The following PPP3R1 variants were observed in gnomAD, a reference collection of about 807,000 sequenced individuals.
The protein encoded by PPP3R1 is protein phosphatase 3 regulatory subunit B, alpha.
In PPP3R1, 5 loss-of-function variants were observed where a neutral mutation model predicts 22.6. That is an observed-to-expected ratio of 0.22 (90% CI 0.12 to 0.46). The LOEUF (loss-of-function observed/expected upper bound fraction) is 0.46. Among genes scored for constraint, PPP3R1 ranks in the 20% least tolerant of loss-of-function variants. The probability of loss-of-function intolerance (pLI) is 0.99; values close to 1 mark genes in which losing one functional copy is unlikely to be tolerated. For missense variants in PPP3R1, 61 were observed against 203.2 expected (o/e 0.30, Z 4.25); for synonymous variants, 56 against 65.2 (o/e 0.86, Z 0.68).
Position 68,188,688 on chromosome 2 carries a change from C to T in PPP3R1, c.46G>A (p.Asp16Asn). The T allele has an allele frequency of 6.3e-7, 1 of 1,578,304 alleles. No homozygotes were observed. Among genetic ancestry groups the T allele is most frequent in the Non-Finnish European group, 8.6e-7 (1 of 1,166,098 alleles). The change falls in exon 3 of 6, where the codon GAT becomes AAT. Residue 16 changes from aspartate to asparagine, a missense_variant and splice_region_variant. By Grantham distance (23) the Asp-to-Asn change is conservative (BLOSUM62 1). Coordinates refer to ENST00000234310, the MANE Select transcript of PPP3R1 (RefSeq NM_000945.4). ...CCTAGCCTTTTAATTTCATCCGCAT[C>T]AACTAAAAGCAAACAAAAAAGGAAG... Reference protein sequence around the residue: ...SYPLEMCSHFDADEIKRLGKR... With the variant: ...SYPLEMCSHFNADEIKRLGKR...
chr2:68,242,954 T>A (rs1272693642), intron 1 of PPP3R1, among the ~76,000 whole-genome samples: 1 of 152,150 alleles, frequency 6.6e-6, no homozygotes, highest in Non-Finnish European at 1.5e-5. Flanking sequence ...AAAATAAAAA[T>A]GAATACTCTG....
At chr2:68,229,944 A>G (rs938664507) in intron 1 of PPP3R1, among the ~76,000 whole-genome samples, 30 of 144,412 alleles carry the variant, frequency 2.1e-4, no homozygotes, top group African/African-American at 6.2e-4. Flanking sequence ...GTATGTGTGT[A>G]TATATGTGTG....
chr2:68,183,923 G>T (rs1674475794), intron 5 of PPP3R1, among the ~76,000 whole-genome samples: 1 of 152,142 alleles, frequency 6.6e-6, no homozygotes, highest in Non-Finnish European at 1.5e-5. Flanking sequence ...GGGGAGATAA[G>T]ATTTCCTAAA....
intron 2 of PPP3R1, among the ~76,000 whole-genome samples, chr2:68,198,304 TGTATAC>T (rs1225883688): frequency 6.6e-4 from 96 of 145,668 alleles, no homozygotes; most frequent in African/African-American, 2.3e-3. Context: ...CATGTATACA[TGTATAC>T]ATATATGTAT....
intron 1 of PPP3R1, among the ~76,000 whole-genome samples, chr2:68,251,432 CCCAAA>C (rs897246123): frequency 1.3e-5 from 2 of 152,238 alleles, no homozygotes; most frequent in African/African-American, 4.8e-5. Context: ...CCCCATTTCT[CCCAAA>C]CCAAGTTCGC....
chr2:68,239,395 T>C (rs1365067360), intron 1 of PPP3R1, among the ~76,000 whole-genome samples: 1 of 151,950 alleles, frequency 6.6e-6, no homozygotes, highest in African/African-American at 2.4e-5. Context: ...GACTTAGAAG[T>C]GAAGAGAGTA....
At chr2:68,227,730 A>G (rs1366220291) in intron 1 of PPP3R1, among the ~76,000 whole-genome samples, 3 of 152,170 alleles carry the variant, frequency 2.0e-5, no homozygotes, top group Admixed American at 1.3e-4. Context: ...CAGTTAAACT[A>G]TATTTCCTAT....
chr2:68,192,658 T>C (rs1674691181), intron 2 of PPP3R1, among the ~76,000 whole-genome samples: 1 of 152,102 alleles, frequency 6.6e-6, no homozygotes, highest in African/African-American at 2.4e-5. Context: ...TAATCATAAA[T>C]CAAATAAATA....
At chr2:68,239,280 T>C (rs965841917) in intron 1 of PPP3R1, among the ~76,000 whole-genome samples, 1 of 152,162 alleles carries the variant, frequency 6.6e-6, no homozygotes, top group Admixed American at 6.5e-5. Context: ...ACACAAAACA[T>C]AAATATGCTG....
chr2:68,220,331 T>A (rs1669663661), intron 1 of PPP3R1, among the ~76,000 whole-genome samples: 1 of 152,154 alleles, frequency 6.6e-6, no homozygotes, highest in Admixed American at 6.5e-5. Flanking sequence ...AAAAGTCTCC[T>A]CCAGTCTCTG....
intron 2 of PPP3R1, among the ~76,000 whole-genome samples, chr2:68,198,211 C>T (rs1169619153): frequency 1.5e-5 from 2 of 135,620 alleles, no homozygotes; most frequent in African/African-American, 2.7e-5. Context: ...TATGTGCATA[C>T]ATATATACAT....
intron 1 of PPP3R1, among the ~76,000 whole-genome samples, chr2:68,220,972 AG>A (rs1315511153): frequency 6.6e-6 from 1 of 152,094 alleles, no homozygotes; most frequent in Admixed American, 6.6e-5. Context: ...AATGACATAG[AG>A]GTGGTGGTTG....
At chr2:68,189,846 G>GT in intron 2 of PPP3R1, among the ~76,000 whole-genome samples, 1 of 152,222 alleles carries the variant, frequency 6.6e-6, no homozygotes, top group African/African-American at 2.4e-5. Context: ...TCCAGCCTGA[G>GT]TGACAGAGTG....
At chr2:68,228,557 G>A (rs1669829372) in intron 1 of PPP3R1, among the ~76,000 whole-genome samples, 1 of 152,100 alleles carries the variant, frequency 6.6e-6, no homozygotes, top group Non-Finnish European at 1.5e-5. Context: ...ATGGTAATTT[G>A]TGTCTTATTA....
chr2:68,209,133 C>A (rs369007345), intron 2 of PPP3R1, among the ~76,000 whole-genome samples: 5 of 149,426 alleles, frequency 3.3e-5, no homozygotes, highest in Admixed American at 2.0e-4. Flanking sequence ...CCGAGGCGGG[C>A]GGATCACGAG....
chr2:68,225,995 G>A (rs988283358), intron 1 of PPP3R1, among the ~76,000 whole-genome samples: 2 of 152,082 alleles, frequency 1.3e-5, no homozygotes, highest in African/African-American at 2.4e-5. Context: ...AGTACTATTC[G>A]GTAATGAATA....
intron 2 of PPP3R1, among the ~76,000 whole-genome samples, chr2:68,203,847 G>A (rs1422837508): frequency 6.6e-6 from 1 of 152,178 alleles, no homozygotes; most frequent in East Asian, 1.9e-4. Context: ...GGCTAGAAGG[G>A]TTTCTACTGG....
At chr2:68,205,560 A>C (rs551231494) in intron 2 of PPP3R1, among the ~76,000 whole-genome samples, 1 of 152,300 alleles carries the variant, frequency 6.6e-6, no homozygotes, top group East Asian at 1.9e-4. Flanking sequence ...TCTAAAAGAT[A>C]AAAACTCTTT....
intron 2 of PPP3R1, among the ~76,000 whole-genome samples, chr2:68,211,459 G>A (rs950514733): frequency 2.8e-4 from 42 of 150,094 alleles, no homozygotes; most frequent in African/African-American, 8.8e-4. Context: ...GATCACCTGA[G>A]CTTTCAGTGA....
Sources: gnomAD v4.1 joint callset for allele counts (sites outside exome capture counted in the v4.1 genomes callset) on GRCh38, gnomAD v4.1.1 for gene constraint, MANE v1.5 for transcripts, NCBI Gene and HGNC (gene_info 2026-07-23, HGNC 2026-07-21) for gene names.